Variants in ALDH1A2 observed in about 807,000 individuals in gnomAD.
ALDH1A2 encodes aldehyde dehydrogenase 1 family member A2.
A neutral mutation model predicts 60.3 loss-of-function variants in ALDH1A2; 27 were observed. The ratio of observed to expected loss-of-function variants is 0.45; its 90% CI spans 0.33 to 0.62. ALDH1A2 has a LOEUF of 0.62. ALDH1A2 is among the 20% of genes least tolerant of loss of function. ALDH1A2 has a pLI of 0.02. For missense variants in ALDH1A2, 581 were observed against 643.8 expected, an observed-to-expected ratio of 0.90 and a Z score of 1.06; for synonymous variants, 289 against 232.4, an observed-to-expected ratio of 1.24 and a Z score of -2.21.
chr15:58,001,540 A>G (rs1899354), intron 4 of ALDH1A2, among the ~76,000 whole-genome samples: 143,577 of 151,954 alleles, frequency 0.94, 67,983 homozygotes, highest in East Asian at 1. Flanking sequence ...CCAACTCGAA[A>G]TGGAGACAGT....
intron 12 of ALDH1A2, among the ~76,000 whole-genome samples, chr15:57,957,804 G>A (rs1178097312): frequency 6.6e-6 from 1 of 152,166 alleles, no homozygotes; most frequent in Non-Finnish European, 1.5e-5. Context: ...TTTCTGTTTA[G>A]GGTATATATT....
intron 7 of ALDH1A2, among the ~76,000 whole-genome samples, chr15:57,966,575 C>T (rs1253538067): frequency 2.6e-5 from 4 of 152,250 alleles, no homozygotes; most frequent in Non-Finnish European, 5.9e-5. Context: ...GCAGCTGTCA[C>T]CTCCTTCAGG....
chr15:58,032,540 G>C (rs1197152623), intron 1 of ALDH1A2, among the ~76,000 whole-genome samples: 3 of 151,950 alleles, frequency 2.0e-5, no homozygotes, highest in Non-Finnish European at 4.4e-5. Flanking sequence ...TGCCAGCAAG[G>C]ATGTGGAGAA....
At chr15:57,980,600 G>T (rs879005056) in intron 7 of ALDH1A2, 30 of 260,572 alleles carry the variant, frequency 1.2e-4, no homozygotes, top group Admixed American at 1.2e-4. Flanking sequence ...CTTGACCTCG[G>T]CTGACAGCCC....
chr15:57,992,468 T>C (rs1461494738), intron 7 of ALDH1A2, among the ~76,000 whole-genome samples: 1 of 152,194 alleles, frequency 6.6e-6, no homozygotes, highest in Non-Finnish European at 1.5e-5. Context: ...CCTTCTGGGA[T>C]AGTTCTTACA....
At chr15:58,012,360 A>C (rs1344741195) in intron 3 of ALDH1A2, among the ~76,000 whole-genome samples, 2 of 151,810 alleles carry the variant, frequency 1.3e-5, no homozygotes, top group African/African-American at 2.4e-5. Context: ...TAGGATTACC[A>C]AAAAAAGGTA....
At chr15:58,012,361 A>G (rs1284326325) in intron 3 of ALDH1A2, among the ~76,000 whole-genome samples, 1 of 151,832 alleles carries the variant, frequency 6.6e-6, no homozygotes, top group Non-Finnish European at 1.5e-5. Context: ...AGGATTACCA[A>G]AAAAAGGTAA....
chr15:58,044,462 TTCTG>T (rs1896592690), intron 1 of ALDH1A2, among the ~76,000 whole-genome samples: 1 of 152,016 alleles, frequency 6.6e-6, no homozygotes, highest in African/African-American at 2.4e-5. Context: ...GCACAAGGAA[TTCTG>T]TTTGAGTCCT....
chr15:58,020,179 T>C (rs1184693376), intron 1 of ALDH1A2, among the ~76,000 whole-genome samples: 12 of 152,330 alleles, frequency 7.9e-5, no homozygotes, highest in Admixed American at 3.9e-4. Context: ...TATGGCTGCA[T>C]AGTATTCCAC....
chr15:57,991,389 G>GACAA (rs1453234250), intron 7 of ALDH1A2: 9 of 152,008 alleles, frequency 5.9e-5, no homozygotes, highest in African/African-American at 9.7e-5. Context: ...AGGTTAACTC[G>GACAA]ACAAACACAA....
At position 57,992,821 on chromosome 15, in the gene ALDH1A2, AAGAAAAC is replaced by A; in HGVS notation, c.685-10_685-4del. The A allele has an allele frequency of 1.2e-6, 2 of 1,614,090 alleles. 1 individual carries two copies. Among genetic ancestry groups the A allele is most frequent in the Admixed American group, 3.3e-5 (2 of 60,012 alleles). ...ATGACCCCGGGAGGAAAGCCAGCCT[AAGAAAAC>A]AGAACAGGAGGAAACGTGGCTGATG... is the stretch of plus-strand genomic sequence containing the variant. On this transcript the variant is annotated splice_region_variant and splice_polypyrimidine_tract_variant and intron_variant, in intron 6 of 12. Transcript: ENST00000249750.
At chr15:58,008,349 C>T (rs1895525905) in intron 4 of ALDH1A2, among the ~76,000 whole-genome samples, 1 of 152,018 alleles carries the variant, frequency 6.6e-6, no homozygotes. Flanking sequence ...ACTGTGAGAG[C>T]CCTATGAGAG....
In ALDH1A2 at chr15:58,036,335, T is replaced by C. The variant is rs1391856782; in HGVS notation, c.118-22054A>G. On this transcript the variant is annotated intron_variant, in intron 1 of 12. Coordinates refer to ENST00000249750, the MANE Select transcript of ALDH1A2 (RefSeq NM_003888.4). ...ACACATATTCATGTTCATACACATA[T>C]TTATCCAAGATCTAGATGCATAATG... 2.6e-5 allele frequency among the ~76,000 whole-genome samples: 4 copies of C among 151,588 alleles called. No individual in the cohort carries two copies. The East Asian group carries it at 7.7e-4, about 29-fold the overall frequency.
At chr15:58,047,302 G>T (rs1896661629) in intron 1 of ALDH1A2, among the ~76,000 whole-genome samples, 1 of 151,940 alleles carries the variant, frequency 6.6e-6, no homozygotes, top group Admixed American at 6.6e-5. Context: ...TTGTACCTTG[G>T]AGAGTTAAAT....
At chr15:57,974,428 A>G (rs1307311496) in intron 7 of ALDH1A2, among the ~76,000 whole-genome samples, 1 of 107,430 alleles carries the variant, frequency 9.3e-6, no homozygotes, top group African/African-American at 3.5e-5. Context: ...GCGAGACTCC[A>G]TCTCAAAAAA....
At chr15:57,979,927 C>A in intron 7 of ALDH1A2, 1 of 360,468 alleles carries the variant, frequency 2.8e-6, no homozygotes, top group Non-Finnish European at 5.7e-6. Context: ...GGAATTACCA[C>A]ACTTGTCGGT....
At chr15:57,974,646 G>T (rs1894185675) in intron 7 of ALDH1A2, among the ~76,000 whole-genome samples, 1 of 151,962 alleles carries the variant, frequency 6.6e-6, no homozygotes, top group African/African-American at 2.4e-5. Context: ...AGGCCTAAAT[G>T]TAAAACACAA....
intron 4 of ALDH1A2, among the ~76,000 whole-genome samples, chr15:58,000,745 G>A (rs929350133): frequency 2.0e-5 from 3 of 151,784 alleles, no homozygotes; most frequent in Non-Finnish European, 4.4e-5. Flanking sequence ...TGGAGATCTC[G>A]TGAATATACA....
At chr15:58,014,066 T>G in intron 2 of ALDH1A2, 68 bp from the exon 3 acceptor site, 1 of 1,613,930 alleles carries the variant, frequency 6.2e-7, no homozygotes, top group Non-Finnish European at 8.5e-7. Flanking sequence ...TCCACTGTCA[T>G]GAAAAAAGTG....
Sources: gnomAD v4.1 joint callset for allele counts (sites outside exome capture counted in the v4.1 genomes callset) on GRCh38, gnomAD v4.1.1 for gene constraint, MANE v1.5 for transcripts, NCBI Gene and HGNC (gene_info 2026-07-23, HGNC 2026-07-21) for gene names.